Variants in B4GALNT3 observed in about 807,000 individuals in gnomAD.
B4GALNT3 encodes beta-1,4-N-acetylgalactosaminyltransferase 3.
B4GALNT3 carries 86 observed loss-of-function variants against 120.2 expected under a neutral mutation model. The ratio of observed to expected loss-of-function variants is 0.72; its 90% CI spans 0.60 to 0.86. The LOEUF (loss-of-function observed/expected upper bound fraction) is 0.86. B4GALNT3 is among the 40% of genes least tolerant of loss of function. The pLI is 0.00. For missense variants in B4GALNT3, 1,167 were observed against 1,298.9 expected, an observed-to-expected ratio of 0.90 and a Z score of 1.56; for synonymous variants, 518 against 510.4, an observed-to-expected ratio of 1.01 and a Z score of -0.20.
chr12:555,186 A>G (rs1459340047), intron 14 of B4GALNT3: 3 of 333,112 alleles, frequency 9.0e-6, no homozygotes, highest in Non-Finnish European at 1.8e-5. Context: ...TCAAAAAAAA[A>G]GAAAAAGAAA....
At chr12:471,753 C>T (rs1946139398) in intron 1 of B4GALNT3, among the ~76,000 whole-genome samples, 1 of 149,236 alleles carries the variant, frequency 6.7e-6, no homozygotes, top group South Asian at 2.1e-4. Flanking sequence ...AAATAAACTA[C>T]ATCATTCTTC....
chr12:474,904 G>GT (rs34220697), intron 1 of B4GALNT3, among the ~76,000 whole-genome samples: 2 of 146,012 alleles, frequency 1.4e-5, no homozygotes, highest in Admixed American at 1.4e-4. Context: ...AGCCAAGATT[G>GT]ACCACTGCAC....
At chr12:543,836 G>A (rs1483989810) in intron 3 of B4GALNT3, among the ~76,000 whole-genome samples, 1 of 135,766 alleles carries the variant, frequency 7.4e-6, no homozygotes, top group Non-Finnish European at 1.6e-5. Context: ...ATGGGCATGG[G>A]GTGCTCATCT....
In B4GALNT3 at chr12:480,397, A is replaced by G. The variant is rs540302131; in HGVS notation, c.169+19852A>G. On this transcript the variant is annotated intron_variant, in intron 1 of 19. Coordinates refer to ENST00000266383, the MANE Select transcript of B4GALNT3 (RefSeq NM_173593.4). ...CAGGTCAGCTCTGCCCCCGGACGTC[A>G]GTTTCCTTTTCCGTAAACACGGAAG... 4.8e-3 allele frequency among the ~76,000 whole-genome samples: 61 copies of G among 12,746 alleles called. 1 individual carries two copies. The South Asian group carries it at 0.19, about 39-fold the overall frequency. 8.4% of individuals were successfully genotyped at this position (12,746 alleles called of 152,430 possible). A position where few individuals can be genotyped will look rare whatever the true frequency, so the allele number is the denominator to read the frequency against.
rs150227970 is a variant in B4GALNT3 at position 561,232 on chromosome 12, C to T, written c.2889-111C>T. 3,012 of 767,400 alleles carry T rather than the reference C, an allele frequency of 3.9e-3. 70 individuals are homozygous for T. The East Asian group carries it at 0.056, about 14-fold the overall frequency. The allele number at this position is 767,400 out of a possible 1,614,324, so 47.5% of individuals were successfully genotyped here. ...CAAAGCCCACAGCCGTCCACTGCAC[C>T]TGCCTTCCCTGCCCCGTGGGGAGCG... On this transcript the variant is annotated intron_variant, in intron 19 of 19. Coordinates refer to ENST00000266383, the MANE Select transcript of B4GALNT3 (RefSeq NM_173593.4).
chr12:553,827 A>G lies in B4GALNT3; in HGVS notation c.1904A>G (p.Asp635Gly). ...GTGTTTGACCCGGTAGTAAACTGGG[A>G]CCAGACCTTCAGTGCCCGGAATCTC... Reference protein sequence around the residue: ...VPVFDPVVNWDQTFSARNLDF... With the variant: ...VPVFDPVVNWGQTFSARNLDF... Residue 635 changes from aspartate (D) to glycine (G), a missense_variant, in exon 14 of 20, where the codon GAC becomes GGC. Asp to Gly is a moderately conservative substitution (Grantham distance 94, BLOSUM62 -1). Around this residue, in one of 3 missense-constraint regions of B4GALNT3, gnomAD observed 983 missense variants for 1,102.5 expected, o/e 0.89. Coordinates refer to ENST00000266383, the MANE Select transcript of B4GALNT3 (RefSeq NM_173593.4). The G allele has an allele frequency of 6.2e-7, 1 of 1,614,228 alleles. No homozygotes were observed. Among genetic ancestry groups the G allele is most frequent in the Non-Finnish European group, 8.5e-7 (1 of 1,180,024 alleles).
chr12:500,377 G>A (rs1946426611), intron 1 of B4GALNT3, among the ~76,000 whole-genome samples: 1 of 152,220 alleles, frequency 6.6e-6, no homozygotes. Flanking sequence ...AGTTTCAACA[G>A]GAGGTTCATG....
intron 1 of B4GALNT3, among the ~76,000 whole-genome samples, chr12:465,807 G>A (rs1946072374): frequency 6.8e-6 from 1 of 146,054 alleles, no homozygotes. Flanking sequence ...TGATGGTGCT[G>A]GGGTTGCCTG....
Position 553,813 on chromosome 12 carries a change from G to A in B4GALNT3, c.1890G>A (p.Pro630=), listed in dbSNP as rs200374878. 7.4e-5 allele frequency: 120 copies of A among 1,614,126 alleles called. No homozygotes were observed. Among genetic ancestry groups the A allele is most frequent in the Admixed American group, 5.0e-5 (3 of 60,016 alleles). The stretch of plus-strand genomic sequence containing the variant: ...TCGAGTACGTACCTGTGTTTGACCC[G>A]GTAGTAAACTGGGACCAGACCTTCA... The part of the protein sequence containing the change: ...EVFEYVPVFD[P]VVNWDQTFSA... Residue 630 remains proline (P), a synonymous_variant, in exon 14 of 20, where the codon CCG becomes CCA. Coordinates refer to ENST00000266383, the MANE Select transcript of B4GALNT3 (RefSeq NM_173593.4).
At chr12:546,619 C>T in intron 6 of B4GALNT3, 27 bp from the exon 7 acceptor site, 1 of 1,546,968 alleles carries the variant, frequency 6.5e-7, no homozygotes. Flanking sequence ...CTGTTCCTCC[C>T]TCCTCTTCTC....
chr12:551,889 C>T (rs1378561952), intron 11 of B4GALNT3, among the ~76,000 whole-genome samples, 174 bp from the exon 12 acceptor site: 1 of 152,020 alleles, frequency 6.6e-6, no homozygotes, highest in Non-Finnish European at 1.5e-5. Context: ...AATGAGAGCC[C>T]CATCTGCATC....
chr12:515,387 CG>C (rs1946642741), intron 1 of B4GALNT3, among the ~76,000 whole-genome samples: 1 of 151,842 alleles, frequency 6.6e-6, no homozygotes, highest in African/African-American at 2.4e-5. Flanking sequence ...TTAGTAGAGA[CG>C]GGGTTTCACC....
At chr12:478,478 G>A (rs1946206133) in intron 1 of B4GALNT3, among the ~76,000 whole-genome samples, 1 of 152,114 alleles carries the variant, frequency 6.6e-6, no homozygotes, top group Non-Finnish European at 1.5e-5. Context: ...CTATCAAATT[G>A]GAAGTCAACA....
chr12:532,595 TGG>T (rs1184085029), intron 1 of B4GALNT3, among the ~76,000 whole-genome samples: 1 of 152,070 alleles, frequency 6.6e-6, no homozygotes, highest in East Asian at 1.9e-4. Context: ...ACTGGCCTAA[TGG>T]GACTCTTGCT....
intron 14 of B4GALNT3, among the ~76,000 whole-genome samples, chr12:554,493 T>G (rs1947121150): frequency 6.6e-6 from 1 of 152,196 alleles, no homozygotes; most frequent in African/African-American, 2.4e-5. Flanking sequence ...TCAGTGGTTT[T>G]AAAAGTATAT....
At chr12:522,193 C>T (rs531498498) in intron 1 of B4GALNT3, among the ~76,000 whole-genome samples, 2 of 152,150 alleles carry the variant, frequency 1.3e-5, no homozygotes, top group Non-Finnish European at 2.9e-5. Context: ...CAAGCAAGGG[C>T]TCTGAGAGAT....
At chr12:560,982 G>C (rs370074621) in intron 19 of B4GALNT3, among the ~76,000 whole-genome samples, 3 of 152,214 alleles carry the variant, frequency 2.0e-5, no homozygotes, top group African/African-American at 7.2e-5. Flanking sequence ...AGTGTGCCAG[G>C]AGCCGTGCTG....
chr12:536,292 A>G lies in B4GALNT3; in HGVS notation c.348A>G (p.Ser116=). Residue 116 remains serine (S), a synonymous_variant, in exon 3 of 20, where the codon TCA becomes TCG. Coordinates refer to ENST00000266383, the MANE Select transcript of B4GALNT3 (RefSeq NM_173593.4). ...LKWNKPVPWL[S]EFRGRANLHV... The stretch of plus-strand genomic sequence containing the variant: ...GGAACAAGCCTGTCCCCTGGCTCTC[A>G]GAGGTGAGGGACTTTCTATTGTACC... The G allele has an allele frequency of 6.2e-7, 1 of 1,611,662 alleles. No homozygotes were observed. The highest frequency in any genetic ancestry group is 8.5e-7 in the Non-Finnish European group (1 of 1,177,728).
intron 1 of B4GALNT3, among the ~76,000 whole-genome samples, chr12:470,772 T>C (rs978564748): frequency 3.3e-5 from 5 of 152,166 alleles, no homozygotes; most frequent in Non-Finnish European, 7.3e-5. Context: ...GGAGTCTCGC[T>C]CTGTCACCCA....
Sources: gnomAD v4.1 joint callset for allele counts (sites outside exome capture counted in the v4.1 genomes callset) on GRCh38, gnomAD v4.1.1 for gene constraint, gnomAD v4.1.1 regional missense constraint, MANE v1.5 for transcripts, NCBI Gene and HGNC (gene_info 2026-07-23, HGNC 2026-07-21) for gene names.